LPIN2: variants seen among roughly 807,000 people sequenced by gnomAD.
The protein encoded by LPIN2 is phosphatidate phosphatase LPIN2.
A neutral mutation model predicts 111.4 loss-of-function variants in LPIN2; 55 were observed. The observed-to-expected ratio is 0.49, with a 90% CI of 0.40 to 0.62. The LOEUF is 0.62. Among genes scored for constraint, LPIN2 ranks in the 20% least tolerant of loss-of-function variants. The pLI is 0.00. For missense variants in LPIN2, 992 were observed against 1,112.1 expected (o/e 0.89, Z 1.54); for synonymous variants, 425 against 414.0 (o/e 1.03, Z -0.32).
intron 4 of LPIN2, chr18:2,946,107 TTTTC>T (rs766160424): frequency 1.9e-6 from 3 of 1,569,804 alleles, no homozygotes; most frequent in East Asian, 2.2e-5. Context: ...CATTGTCTTC[TTTTC>T]TTATTTTCTT....
In LPIN2 at chr18:2,951,817, G is replaced by A. The variant is rs1225143408; in HGVS notation, c.289-461C>T. On this transcript the variant is annotated intron_variant, in intron 3 of 19. Coordinates refer to ENST00000677752, the MANE Select transcript of LPIN2 (RefSeq NM_001375808.2). ...AAGGGCAGCAGGACAGGTGAGTGAC[G>A]CGAGGATGCAGTGATACAGAGCGGC... is the stretch of plus-strand genomic sequence containing the variant. Among the ~76,000 whole-genome samples, 6 of 152,208 alleles carry A rather than the reference G, an allele frequency of 3.9e-5. No homozygotes were observed. In the South Asian group the frequency reaches 6.2e-4, roughly 16 times the overall value.
chr18:2,996,244 G>A (rs1567860682), intron 1 of LPIN2, among the ~76,000 whole-genome samples: 2 of 151,856 alleles, frequency 1.3e-5, no homozygotes. Flanking sequence ...GGAGGCTGAG[G>A]CAGGAGAATA....
intron 1 of LPIN2, among the ~76,000 whole-genome samples, chr18:2,974,118 G>A (rs1021217504): frequency 3.3e-5 from 5 of 152,052 alleles, no homozygotes; most frequent in Non-Finnish European, 1.5e-5. Context: ...TTTTTGAGAT[G>A]CAGTCTTGCT....
chr18:2,960,529 G>C (rs2077696411), intron 2 of LPIN2, 120 bp downstream of exon 2: 15 of 924,274 alleles, frequency 1.6e-5, no homozygotes, highest in Non-Finnish European at 2.2e-5. Context: ...AAAAAAAAAG[G>C]CCTAGAAAAC....
intron 1 of LPIN2, among the ~76,000 whole-genome samples, chr18:2,982,399 A>AT (rs1382126455): frequency 1.3e-5 from 2 of 151,776 alleles, no homozygotes; most frequent in Non-Finnish European, 2.9e-5. Flanking sequence ...CAGCAACTTC[A>AT]TTTTTTTCCT....
intron 1 of LPIN2, among the ~76,000 whole-genome samples, chr18:2,997,216 A>G (rs1455362101): frequency 6.6e-6 from 1 of 152,134 alleles, no homozygotes; most frequent in African/African-American, 2.4e-5. Context: ...TCCTGACCTC[A>G]GGTGATCCGC....
chr18:2,967,573 G>A (rs978961924), intron 1 of LPIN2: 1 of 152,186 alleles, frequency 6.6e-6, no homozygotes, highest in Non-Finnish European at 1.5e-5. Flanking sequence ...CATTTACAGT[G>A]TGCCCACCAG....
intron 7 of LPIN2, 99 bp downstream of exon 7, chr18:2,937,593 G>A (rs1392527982): frequency 1.4e-6 from 1 of 721,102 alleles, no homozygotes; most frequent in African/African-American, 1.8e-5. Flanking sequence ...TTCGACTGGT[G>A]AATACAAATA....
chr18:3,004,252 T>C (rs1488059248), intron 1 of LPIN2, among the ~76,000 whole-genome samples: 1 of 152,198 alleles, frequency 6.6e-6, no homozygotes, highest in Admixed American at 6.5e-5. Context: ...ATGGGATCCT[T>C]GTGACCTACT....
chr18:3,001,735 G>A (rs958389174), intron 1 of LPIN2, among the ~76,000 whole-genome samples: 8 of 152,002 alleles, frequency 5.3e-5, no homozygotes, highest in Non-Finnish European at 1.0e-4. Context: ...AAAGAGAACT[G>A]GGGTTTTTCA....
chr18:2,937,685 C>A lies in LPIN2; in HGVS notation c.1168+7G>T. 6.2e-7 allele frequency: 1 copy of A among 1,612,100 alleles called. No individual in the cohort carries two copies. Among genetic ancestry groups the A allele is most frequent in the Non-Finnish European group, 8.5e-7 (1 of 1,179,064 alleles). On this transcript the variant is annotated splice_region_variant and intron_variant, in intron 7 of 19. Coordinates refer to ENST00000677752, the MANE Select transcript of LPIN2 (RefSeq NM_001375808.2). Reference sequence around the variant, plus strand: ...AGTACCTGGAGCCAAATTAAACAAACGATTACCTTTCTTCTTTGACGGCGA... The same window carrying A: ...AGTACCTGGAGCCAAATTAAACAAAAGATTACCTTTCTTCTTTGACGGCGA...
At chr18:2,970,324 G>C (rs569691589) in intron 1 of LPIN2, among the ~76,000 whole-genome samples, 9 of 152,340 alleles carry the variant, frequency 5.9e-5, no homozygotes, top group African/African-American at 2.2e-4. Flanking sequence ...ACGGGACCCA[G>C]GTCTTGGTAT....
intron 8 of LPIN2, among the ~76,000 whole-genome samples, chr18:2,932,641 G>A (rs1479950356): frequency 6.6e-6 from 1 of 152,186 alleles, no homozygotes; most frequent in East Asian, 1.9e-4. Flanking sequence ...CTTTCTCCGG[G>A]GCACACGGCG....
Position 2,918,712 on chromosome 18 carries a change from A to G in LPIN2, c.*1581T>C, listed in dbSNP as rs2077005734. ...TTCAACATTGTCTCTGCATCCGACA[A>G]GCACTAGGAAAATGGCTGAAATCAG... On this transcript the variant is annotated 3_prime_UTR_variant, in exon 20 of 20. Coordinates refer to ENST00000677752, the MANE Select transcript of LPIN2 (RefSeq NM_001375808.2). 6.6e-6 allele frequency: 1 copy of G among 152,208 alleles called. No homozygotes were observed. The highest frequency in any genetic ancestry group is 1.5e-5 in the Non-Finnish European group (1 of 68,040). 9.4% of individuals were successfully genotyped at this position (152,208 alleles called of 1,614,324 possible). A position where few individuals can be genotyped will look rare whatever the true frequency, so the allele number is the denominator to read the frequency against.
At position 2,917,947 on chromosome 18, in the gene LPIN2, A is replaced by C. The variant is rs1376109686; in HGVS notation, c.*2346T>G. On this transcript the variant is annotated 3_prime_UTR_variant, in exon 20 of 20. Transcript: ENST00000677752. ...TCACCATCCTAAGGGTTTGTGTACA[A>C]ACACACTCGAGGGCATCTCTTTCAC... 1 of 152,200 alleles carries C rather than the reference A, an allele frequency of 6.6e-6. No homozygotes were observed. Among genetic ancestry groups the C allele is most frequent in the African/African-American group, 2.4e-5 (1 of 41,462 alleles). 9.4% of individuals were successfully genotyped at this position (152,200 alleles called of 1,614,324 possible).
chr18:3,002,704 A>G (rs1158876546), intron 1 of LPIN2, among the ~76,000 whole-genome samples: 1 of 152,238 alleles, frequency 6.6e-6, no homozygotes, highest in African/African-American at 2.4e-5. Context: ...AACACATTAA[A>G]CAATGTTTTT....
chr18:2,923,646 G>A, intron 16 of LPIN2, 129 bp downstream of exon 16: 2 of 834,630 alleles, frequency 2.4e-6, no homozygotes, highest in South Asian at 2.7e-5. Flanking sequence ...GGAAAGGAGT[G>A]AGGAAGAGCG....
intron 1 of LPIN2, among the ~76,000 whole-genome samples, chr18:2,976,284 G>A (rs2078014026): frequency 6.6e-6 from 1 of 152,170 alleles, no homozygotes; most frequent in Admixed American, 6.5e-5. Context: ...GTAAATGAGG[G>A]TAAGAACCAG....
intron 1 of LPIN2, among the ~76,000 whole-genome samples, chr18:3,007,722 A>G (rs1343966396): frequency 6.6e-6 from 1 of 152,244 alleles, no homozygotes; most frequent in East Asian, 1.9e-4. Flanking sequence ...AAAAATATCC[A>G]TAACAATTCA....
Sources: gnomAD v4.1 joint callset for allele counts (sites outside exome capture counted in the v4.1 genomes callset) on GRCh38, gnomAD v4.1.1 for gene constraint, MANE v1.5 for transcripts, NCBI Gene and HGNC (gene_info 2026-07-23, HGNC 2026-07-21) for gene names.